The following LRRIQ3 variants were observed in gnomAD, a reference collection of about 807,000 sequenced individuals.
LRRIQ3 encodes the protein leucine rich repeats and IQ motif containing 3.
A neutral mutation model predicts 59.3 loss-of-function variants in LRRIQ3; 75 were observed. The ratio of observed to expected loss-of-function variants is 1.26; its 90% CI spans 1.05 to 1.53. The LOEUF (loss-of-function observed/expected upper bound fraction) is 1.53. Among genes scored for constraint, LRRIQ3 ranks in the 40% most tolerant of loss-of-function variants. The probability of loss-of-function intolerance (pLI) is 0.00; values close to 1 mark genes in which losing one functional copy is unlikely to be tolerated. For missense variants in LRRIQ3, 831 were observed against 710.0 expected, an observed-to-expected ratio of 1.17 and a Z score of -1.94; for synonymous variants, 250 against 231.3, an observed-to-expected ratio of 1.08 and a Z score of -0.73.
chr1:74,124,272 G>T (rs1407310328), intron 4 of LRRIQ3, among the ~76,000 whole-genome samples: 1 of 151,678 alleles, frequency 6.6e-6, no homozygotes, highest in Non-Finnish European at 1.5e-5. Flanking sequence ...TTAATTCATT[G>T]TCACATGGAT....
intron 3 of LRRIQ3, among the ~76,000 whole-genome samples, chr1:74,164,378 T>C (rs951101869): frequency 6.6e-6 from 1 of 151,406 alleles, no homozygotes; most frequent in Non-Finnish European, 1.5e-5. Context: ...ACACAAACAC[T>C]TTCACAGAGG....
intron 5 of LRRIQ3, among the ~76,000 whole-genome samples, chr1:74,101,555 C>G (rs1028694722): frequency 4.6e-5 from 7 of 152,194 alleles, no homozygotes; most frequent in Non-Finnish European, 7.3e-5. Flanking sequence ...CATCCCATTA[C>G]TGGGTATATA....
At chr1:74,045,931 C>T (rs1435081547) in intron 6 of LRRIQ3, among the ~76,000 whole-genome samples, 1 of 152,108 alleles carries the variant, frequency 6.6e-6, no homozygotes, top group African/African-American at 2.4e-5. Context: ...AGGAGAACTA[C>T]AAGCCACTGC....
intron 4 of LRRIQ3, chr1:74,144,464 A>C (rs1200359689): frequency 2.9e-6 from 1 of 345,792 alleles, no homozygotes; most frequent in Non-Finnish European, 5.8e-6. Flanking sequence ...TCAACTTAAA[A>C]ATTAGAAAAA....
At chr1:74,092,689 G>A (rs1279856870) in intron 5 of LRRIQ3, among the ~76,000 whole-genome samples, 3 of 151,962 alleles carry the variant, frequency 2.0e-5, no homozygotes, top group African/African-American at 4.8e-5. Flanking sequence ...AATAAGAGAT[G>A]GAAATAGAAT....
chr1:74,163,483 A>C (rs1352852440), intron 3 of LRRIQ3, among the ~76,000 whole-genome samples: 2 of 151,656 alleles, frequency 1.3e-5, no homozygotes, highest in African/African-American at 4.8e-5. Context: ...TGAGTACTCT[A>C]AGTGTGCTAG....
chr1:74,040,885 G>C (rs1654023244), intron 7 of LRRIQ3, among the ~76,000 whole-genome samples: 1 of 152,184 alleles, frequency 6.6e-6, no homozygotes, highest in Non-Finnish European at 1.5e-5. Context: ...AAAAGAGCTA[G>C]AGGCCGGACA....
At position 74,026,066 on chromosome 1, in the gene LRRIQ3, G is replaced by A. The variant is rs1653505220; in HGVS notation, c.*747C>T. On this transcript the variant is annotated 3_prime_UTR_variant, in exon 8 of 8. Coordinates refer to ENST00000354431, the MANE Select transcript of LRRIQ3 (RefSeq NM_001105659.2). ...TTTTCAAATTTTCTACCATTGGTAT[G>A]TATTAAACAGACTTATGGTTAATAT... is the stretch of plus-strand genomic sequence containing the variant. The A allele has an allele frequency of 6.6e-6, 1 of 151,886 alleles. No individual in the cohort carries two copies. The highest frequency in any genetic ancestry group is 2.1e-4 in the South Asian group (1 of 4,832). The allele number at this position is 151,886 out of a possible 1,614,324, so 9.4% of individuals were successfully genotyped here.
chr1:74,116,912 A>G (rs1646784760), intron 4 of LRRIQ3, among the ~76,000 whole-genome samples: 1 of 152,226 alleles, frequency 6.6e-6, no homozygotes, highest in East Asian at 1.9e-4. Context: ...TATTAATTTA[A>G]AAGAGTAAAT....
At chr1:74,115,118 T>C (rs531225042) in intron 4 of LRRIQ3, among the ~76,000 whole-genome samples, 86 of 152,198 alleles carry the variant, frequency 5.7e-4, no homozygotes, top group African/African-American at 2.0e-3. Context: ...AACCTACAGA[T>C]ATTAAAACCT....
chr1:74,075,243 G>A (rs1646191718), intron 5 of LRRIQ3, among the ~76,000 whole-genome samples: 2 of 152,052 alleles, frequency 1.3e-5, no homozygotes, highest in Non-Finnish European at 2.9e-5. Flanking sequence ...AAGGAAGGGA[G>A]AAACGGGACC....
intron 5 of LRRIQ3, among the ~76,000 whole-genome samples, chr1:74,079,901 T>C (rs1262342156): frequency 6.6e-6 from 1 of 151,676 alleles, no homozygotes; most frequent in African/African-American, 2.4e-5. Flanking sequence ...CAACATTCTC[T>C]TCTTTTCTTC....
chr1:74,150,641 A>C (rs1006789073), intron 4 of LRRIQ3, among the ~76,000 whole-genome samples: 10 of 152,310 alleles, frequency 6.6e-5, no homozygotes, highest in South Asian at 2.1e-4. Context: ...TTCCTACATT[A>C]ACATTACCTG....
At chr1:74,185,767 C>T (rs1005633117) in intron 1 of LRRIQ3, among the ~76,000 whole-genome samples, 4 of 152,068 alleles carry the variant, frequency 2.6e-5, no homozygotes, top group African/African-American at 9.6e-5. Flanking sequence ...TACGGTGAAA[C>T]CCCGTCTCTA....
At chr1:74,147,213 G>C (rs549903223) in intron 4 of LRRIQ3, among the ~76,000 whole-genome samples, 122 of 152,168 alleles carry the variant, frequency 8.0e-4, no homozygotes, top group Admixed American at 2.4e-3. Flanking sequence ...TGGACTACAG[G>C]TAAGACTCTG....
intron 7 of LRRIQ3, among the ~76,000 whole-genome samples, chr1:74,031,527 C>A (rs1653715279): frequency 6.6e-6 from 1 of 151,526 alleles, no homozygotes; most frequent in Non-Finnish European, 1.5e-5. Flanking sequence ...AAACCAAACA[C>A]CGCATGTTCT....
At chr1:74,183,751 A>T in intron 1 of LRRIQ3, 67 bp from the exon 2 acceptor site, 10 of 1,407,158 alleles carry the variant, frequency 7.1e-6, no homozygotes, top group Non-Finnish European at 9.4e-6. Flanking sequence ...AAAACAAACA[A>T]AATTTTGCCA....
intron 3 of LRRIQ3, among the ~76,000 whole-genome samples, chr1:74,178,278 C>G (rs537407602): frequency 1.3e-5 from 2 of 152,022 alleles, no homozygotes; most frequent in African/African-American, 4.8e-5. Context: ...CAGGTAACAT[C>G]CATAAATGTA....
chr1:74,143,190 A>G (rs1425111779), intron 4 of LRRIQ3, among the ~76,000 whole-genome samples: 1 of 152,048 alleles, frequency 6.6e-6, no homozygotes, highest in African/African-American at 2.4e-5. Flanking sequence ...CAGCAGAGTC[A>G]TTATTCAACT....
Sources: gnomAD v4.1 joint callset for allele counts (sites outside exome capture counted in the v4.1 genomes callset) on GRCh38, gnomAD v4.1.1 for gene constraint, MANE v1.5 for transcripts, NCBI Gene and HGNC (gene_info 2026-07-23, HGNC 2026-07-21) for gene names.